The following TXNRD2 variants were observed in gnomAD, a reference collection of about 807,000 sequenced individuals.
The protein encoded by TXNRD2 is thioredoxin reductase 2.
In TXNRD2, 67 loss-of-function variants were observed where a neutral mutation model predicts 70.8. That is an observed-to-expected ratio of 0.95 (90% confidence interval 0.78 to 1.16). The LOEUF is 1.16. TXNRD2 is among the 50% of genes most tolerant of loss of function. TXNRD2 has a pLI of 0.00. For missense variants in TXNRD2, 644 were observed against 719.9 expected (o/e 0.89, Z 1.21); for synonymous variants, 301 against 295.8 (o/e 1.02, Z -0.18).
At chr22:19,898,215 C>T in intron 9 of TXNRD2, 85 bp from the exon 10 acceptor site, 1 of 1,259,676 alleles carries the variant, frequency 7.9e-7, no homozygotes, top group Non-Finnish European at 1.1e-6. Flanking sequence ...CCACAGCCCA[C>T]ACCCCACCCA....
At chr22:19,902,721 G>T (rs544247835) in intron 8 of TXNRD2, among the ~76,000 whole-genome samples, 1 of 152,236 alleles carries the variant, frequency 6.6e-6, no homozygotes, top group Admixed American at 6.5e-5. Flanking sequence ...CCACAGGGAC[G>T]CACACAGAGA....
chr22:19,915,702 A>G, intron 6 of TXNRD2, 63 bp downstream of exon 6: 1 of 1,463,818 alleles, frequency 6.8e-7, no homozygotes, highest in Non-Finnish European at 9.6e-7. Context: ...ACACAGCTGC[A>G]GTTGGTGCCC....
chr22:19,877,906 C>T (rs987937517), intron 16 of TXNRD2, among the ~76,000 whole-genome samples, 184 bp downstream of exon 16: 1 of 152,184 alleles, frequency 6.6e-6, no homozygotes, highest in Non-Finnish European at 1.5e-5. Context: ...CTGGCTGGGG[C>T]AGAACCGCCT....
At chr22:19,924,492 T>C (rs9306229) in intron 2 of TXNRD2, among the ~76,000 whole-genome samples, 122,961 of 151,994 alleles carry the variant, frequency 0.81, 50,032 homozygotes, top group African/African-American at 0.87. Flanking sequence ...ACCCAACAGC[T>C]GAGCTTCCCC....
In TXNRD2 at chr22:19,898,076, A is replaced by G. The variant is rs1019958523; in HGVS notation, c.737T>C (p.Ile246Thr). ...GCGGAGGGGGATGCTGCGCATCATG[A>G]TGGTGGTGTCCAGCCCAATCCCGGT... ...FLTGIGLDTT[I>T]MMRSIPLRGF... The change falls in exon 10 of 18, where the codon ATC becomes ACC. Residue 246 changes from isoleucine (I) to threonine (T), a missense_variant. Ile to Thr is a moderately conservative substitution (Grantham distance 89). Around this residue, in one of 3 missense-constraint regions of TXNRD2, gnomAD observed 566 missense variants for 645.0 expected, o/e 0.88. Coordinates refer to ENST00000400521, the MANE Select transcript of TXNRD2 (RefSeq NM_006440.5). 1.3e-5 allele frequency: 21 copies of G among 1,565,688 alleles called. No homozygotes were observed. The highest frequency in any genetic ancestry group is 2.4e-5 in the East Asian group (1 of 41,836).
intron 2 of TXNRD2, among the ~76,000 whole-genome samples, chr22:19,921,045 T>G (rs1272860125): frequency 7.2e-6 from 1 of 139,026 alleles, no homozygotes; most frequent in African/African-American, 3.2e-5. Context: ...AAGCGGAGCT[T>G]GCAGTGAGCC....
intron 1 of TXNRD2, chr22:19,932,212 C>T (rs1206778824): frequency 7.3e-6 from 10 of 1,370,698 alleles, no homozygotes; most frequent in Admixed American, 5.2e-5. Flanking sequence ...CTGTCCCTCA[C>T]AGCTGGCCAG....
At chr22:19,878,322 C>T (rs201093526) in intron 15 of TXNRD2, 44 bp downstream of exon 15, 13 of 1,608,990 alleles carry the variant, frequency 8.1e-6, no homozygotes, top group Middle Eastern at 1.7e-4. Flanking sequence ...CTCTTTGCCA[C>T]CCTCCCTCTC....
At chr22:19,882,419 G>A (rs138288542) in intron 12 of TXNRD2, among the ~76,000 whole-genome samples, 1 of 152,118 alleles carries the variant, frequency 6.6e-6, no homozygotes, top group Admixed American at 6.5e-5. Context: ...GGCTGGTCTT[G>A]AACTCCTGAC....
chr22:19,901,000 C>G (rs944656357), intron 8 of TXNRD2, among the ~76,000 whole-genome samples: 4 of 152,360 alleles, frequency 2.6e-5, no homozygotes, highest in Admixed American at 2.6e-4. Context: ...CAGGGCCTTC[C>G]TGGCCCTGAA....
intron 16 of TXNRD2, 128 bp from the exon 17 acceptor site, chr22:19,877,362 G>A (rs1938557803): frequency 2.4e-6 from 2 of 846,208 alleles, no homozygotes; most frequent in South Asian, 3.3e-5. Context: ...CCCCCAGCCA[G>A]CAGCCAGGAC....
At chr22:19,897,406 C>A (rs184826995) in intron 10 of TXNRD2, among the ~76,000 whole-genome samples, 2 of 152,326 alleles carry the variant, frequency 1.3e-5, no homozygotes, top group Admixed American at 6.5e-5. Flanking sequence ...CAACTCCAGA[C>A]TTCTATTTTA....
intron 5 of TXNRD2, 129 bp from the exon 6 acceptor site, chr22:19,915,972 A>G: frequency 1.2e-6 from 1 of 808,024 alleles, no homozygotes; most frequent in Non-Finnish European, 2.1e-6. Flanking sequence ...GCTCAGATGG[A>G]CCAAGAGGTA....
At chr22:19,904,615 G>A (rs1200212531) in intron 8 of TXNRD2, among the ~76,000 whole-genome samples, 4 of 152,240 alleles carry the variant, frequency 2.6e-5, no homozygotes, top group East Asian at 1.9e-4. Context: ...CCACACAGAC[G>A]TGCGCTGAAA....
intron 10 of TXNRD2, among the ~76,000 whole-genome samples, chr22:19,897,056 T>A (rs1939541163): frequency 6.6e-6 from 1 of 151,868 alleles, no homozygotes; most frequent in African/African-American, 2.4e-5. Flanking sequence ...CAGCTCACCC[T>A]CCCCACATCT....
At chr22:19,892,749 G>C (rs1476432736) in intron 11 of TXNRD2, among the ~76,000 whole-genome samples, 2 of 152,204 alleles carry the variant, frequency 1.3e-5, no homozygotes, top group African/African-American at 4.8e-5. Flanking sequence ...GTGGGAGGGA[G>C]AAACTCGCCA....
intron 8 of TXNRD2, among the ~76,000 whole-genome samples, chr22:19,906,355 T>A (rs1428239235): frequency 6.6e-6 from 1 of 152,118 alleles, no homozygotes; most frequent in East Asian, 1.9e-4. Flanking sequence ...ACAGTCTGGG[T>A]GCCGTAGCTC....
At chr22:19,909,614 C>CTCACA (rs1208845083) in intron 8 of TXNRD2, among the ~76,000 whole-genome samples, 9,612 of 96,354 alleles carry the variant, frequency 0.1, 474 homozygotes, top group East Asian at 0.2. Flanking sequence ...CACACACACA[C>CTCACA]CACACACACC....
chr22:19,899,155 C>G, intron 8 of TXNRD2, 87 bp from the exon 9 acceptor site: 2 of 1,573,902 alleles, frequency 1.3e-6, no homozygotes, highest in East Asian at 2.2e-5. Flanking sequence ...CAGCCTTTGC[C>G]CAGGCCCTTG....
Sources: allele counts gnomAD v4.1 joint callset (sites outside exome capture counted in the v4.1 genomes callset), GRCh38; gene constraint gnomAD v4.1.1; regional missense constraint gnomAD v4.1.1; transcripts MANE v1.5; gene names NCBI Gene and HGNC (gene_info 2026-07-23, HGNC 2026-07-21).